PTPN5: variants seen among roughly 807,000 people sequenced by gnomAD.
The protein encoded by PTPN5 is tyrosine-protein phosphatase non-receptor type 5.
In PTPN5, 29 loss-of-function variants were observed where a neutral mutation model predicts 73.9. The observed-to-expected ratio is 0.39, with a 90% CI of 0.29 to 0.54. PTPN5 has a LOEUF of 0.54. Ranked by LOEUF, PTPN5 falls within the 20% of genes least tolerant of loss-of-function variation. The pLI, the probability that PTPN5 is intolerant of heterozygous loss-of-function variation, is 0.65. For synonymous variants in PTPN5, 267 were observed against 304.7 expected (o/e 0.88, Z 1.29); for missense variants, 652 against 751.4 (o/e 0.87, Z 1.55).
chr11:18,751,563 AGGT>A (rs1849888668), intron 3 of PTPN5, among the ~76,000 whole-genome samples: 2 of 152,046 alleles, frequency 1.3e-5, no homozygotes, highest in Non-Finnish European at 2.9e-5. Flanking sequence ...CGCAAGGAGG[AGGT>A]AGGAAGATGA....
chr11:18,729,134 G>T lies in PTPN5; in HGVS notation c.1605-107C>A, dbSNP rs1416526398. The T allele has an allele frequency of 8.6e-7, 1 of 1,168,362 alleles. No homozygotes were observed. The highest frequency in any genetic ancestry group is 1.2e-6 in the Non-Finnish European group (1 of 812,600). 72.4% of individuals were successfully genotyped at this position (1,168,362 alleles called of 1,614,324 possible). On this transcript the variant is annotated intron_variant, in intron 14 of 14. Transcript: ENST00000358540. This position sits in a 1 kb window ranked among gnomAD's most constrained non-coding sequence, Gnocchi z 5.2. ...ATCACTTGCCAGGCCTTGCCCCTGT[G>T]CGTCTTGGAGAGACCAACCCTTGCC...
chr11:18,738,380 C>T (rs896243771), intron 8 of PTPN5, among the ~76,000 whole-genome samples: 5 of 152,166 alleles, frequency 3.3e-5, no homozygotes, highest in Admixed American at 1.3e-4. Flanking sequence ...TCTCATGTCC[C>T]GCCTCCTCTG....
chr11:18,754,126 T>C (rs1378659847), intron 3 of PTPN5, among the ~76,000 whole-genome samples: 2 of 151,484 alleles, frequency 1.3e-5, no homozygotes, highest in African/African-American at 2.4e-5. Flanking sequence ...CACTGAGGAG[T>C]ATGATGGAAG....
intron 2 of PTPN5, among the ~76,000 whole-genome samples, chr11:18,770,456 T>C (rs983966743): frequency 1.4e-4 from 21 of 152,250 alleles, no homozygotes; most frequent in African/African-American, 4.8e-4. Flanking sequence ...GTAGCATACA[T>C]CAGTACTTCA....
intron 9 of PTPN5, among the ~76,000 whole-genome samples, chr11:18,735,391 C>T (rs1302466883): frequency 6.6e-6 from 1 of 152,048 alleles, no homozygotes; most frequent in Non-Finnish European, 1.5e-5. Flanking sequence ...CTGTATGGGC[C>T]GTCTCCCTTC....
chr11:18,776,243 G>C (rs1851148876), intron 1 of PTPN5, among the ~76,000 whole-genome samples: 2 of 152,120 alleles, frequency 1.3e-5, no homozygotes, highest in South Asian at 4.1e-4. Context: ...TTACATGCTT[G>C]CTCCTACCTA....
At chr11:18,743,143 A>G in intron 5 of PTPN5, 68 bp from the exon 6 acceptor site, 2 of 1,295,134 alleles carry the variant, frequency 1.5e-6, no homozygotes, top group South Asian at 1.3e-5. Flanking sequence ...TGCAATGATG[A>G]CAAAACCAAG....
At position 18,733,731 on chromosome 11, in the gene PTPN5, C is replaced by T. The variant is rs1444624994; in HGVS notation, c.1001-96G>A. ...TTCCAGCATACCCACACTTCTTCTG[C>T]GACATTAGCAGTTCTTCCTTCCCTT... On this transcript the variant is annotated intron_variant, in intron 9 of 14. Coordinates refer to ENST00000358540, the MANE Select transcript of PTPN5 (RefSeq NM_006906.2). The surrounding 1 kb of genome is among the most constrained non-coding windows in gnomAD (Gnocchi z 4.3). 2.5e-5 allele frequency: 27 copies of T among 1,063,234 alleles called. No homozygotes were observed. The highest frequency in any genetic ancestry group is 2.1e-4 in the Middle Eastern group (1 of 4,654). The allele number at this position is 1,063,234 out of a possible 1,614,324, so 65.9% of individuals were successfully genotyped here.
At chr11:18,737,395 G>C (rs1844858678) in intron 9 of PTPN5, among the ~76,000 whole-genome samples, 1 of 152,156 alleles carries the variant, frequency 6.6e-6, no homozygotes, top group African/African-American at 2.4e-5. Flanking sequence ...GTCCCTGTTA[G>C]AGGGCTTACA....
At chr11:18,745,065 T>C (rs571183247) in intron 3 of PTPN5, among the ~76,000 whole-genome samples, 27 of 152,332 alleles carry the variant, frequency 1.8e-4, no homozygotes, top group African/African-American at 6.3e-4. Flanking sequence ...CTGAATACCA[T>C]TGGCTTAGAT....
rs374679691 is a variant in PTPN5, at chr11:18,729,406, G to A, written c.1604+47C>T. 3.6e-5 allele frequency: 33 copies of A among 928,032 alleles called. No individual in the cohort carries two copies. Among genetic ancestry groups the A allele is most frequent in the East Asian group, 2.4e-4 (10 of 41,656 alleles). 57.5% of individuals were successfully genotyped at this position (928,032 alleles called of 1,614,324 possible). A position where few individuals can be genotyped will look rare whatever the true frequency, so the allele number is the denominator to read the frequency against. ...TGTGGGTCTCTCCCTCTACCCGCTC[G>A]GGGCTCTAGCTCCCTTGTGTGTCCC... is the stretch of plus-strand genomic sequence containing the variant. On this transcript the variant is annotated intron_variant, in intron 14 of 14. Transcript: ENST00000358540. The surrounding 1 kb of genome is among the most constrained non-coding windows in gnomAD (Gnocchi z 5.2).
In PTPN5 at chr11:18,730,023, A is replaced by G. The variant is rs1564884089; in HGVS notation, c.1330-205T>C. On this transcript the variant is annotated intron_variant, in intron 12 of 14. Coordinates refer to ENST00000358540, the MANE Select transcript of PTPN5 (RefSeq NM_006906.2). ...AGCTTGGTTTTGGGGGTTGGTCAGC[A>G]GCGTTGGCATGGATCTTGCCTTTGG... 4 of 635,990 alleles carry G rather than the reference A, an allele frequency of 6.3e-6. No individual in the cohort carries two copies. In the East Asian group the frequency reaches 1.1e-4, roughly 18 times the overall value. 39.4% of individuals were successfully genotyped at this position (635,990 alleles called of 1,614,324 possible).
At chr11:18,777,637 T>C (rs771654181) in intron 1 of PTPN5, among the ~76,000 whole-genome samples, 3 of 152,118 alleles carry the variant, frequency 2.0e-5, no homozygotes, top group Non-Finnish European at 4.4e-5. Flanking sequence ...GAGATTATTA[T>C]GCAGGAATTA....
chr11:18,782,096 T>G (rs540665309), intron 1 of PTPN5, among the ~76,000 whole-genome samples: 12 of 152,340 alleles, frequency 7.9e-5, no homozygotes, highest in African/African-American at 2.9e-4. Context: ...ACACACTAAC[T>G]TTGACTCACA....
At chr11:18,737,239 C>A (rs1335074516) in intron 9 of PTPN5, among the ~76,000 whole-genome samples, 2 of 152,196 alleles carry the variant, frequency 1.3e-5, no homozygotes, top group Non-Finnish European at 2.9e-5. Context: ...AGAGGAGCAT[C>A]AGGTCACCTG....
intron 1 of PTPN5, among the ~76,000 whole-genome samples, chr11:18,776,644 G>A (rs188730922): frequency 6.6e-6 from 1 of 152,252 alleles, no homozygotes; most frequent in African/African-American, 2.4e-5. Context: ...TTGGGACTTG[G>A]AGACACTAAG....
chr11:18,752,636 G>C (rs1409263752), intron 3 of PTPN5, among the ~76,000 whole-genome samples: 1 of 152,252 alleles, frequency 6.6e-6, no homozygotes, highest in Non-Finnish European at 1.5e-5. Context: ...GGTTCTATCT[G>C]AAATTGCAAA....
chr11:18,740,488 G>GC, intron 8 of PTPN5, 115 bp downstream of exon 8: 1 of 949,010 alleles, frequency 1.1e-6, no homozygotes, highest in Non-Finnish European at 1.5e-6. Flanking sequence ...TGATAATAAA[G>GC]TGATACTAAT....
chr11:18,760,242 T>C (rs751029076), intron 3 of PTPN5, among the ~76,000 whole-genome samples: 1 of 152,172 alleles, frequency 6.6e-6, no homozygotes, highest in Non-Finnish European at 1.5e-5. Context: ...TGGCTACTGG[T>C]CCAAGACCTC....
Sources: allele counts gnomAD v4.1 joint callset (sites outside exome capture counted in the v4.1 genomes callset), GRCh38; gene constraint gnomAD v4.1.1; non-coding constraint Gnocchi (gnomAD v3.1); transcripts MANE v1.5; gene names NCBI Gene and HGNC (gene_info 2026-07-23, HGNC 2026-07-21).